The following ZNF285 variants were observed in gnomAD, a reference collection of about 807,000 sequenced individuals.
ZNF285 encodes zinc finger protein 285.
Under a neutral mutation model 6.2 loss-of-function variants are expected in ZNF285, and 4 were observed. The ratio of observed to expected loss-of-function variants is 0.65; its 90% CI spans 0.32 to 1.49. The LOEUF (loss-of-function observed/expected upper bound fraction) is 1.49, where lower values mean the gene tolerates loss of function less well. Among genes scored for constraint, ZNF285 ranks in the 40% most tolerant of loss-of-function variants. ZNF285 has a pLI of 0.07. For synonymous variants in ZNF285, 240 were observed against 245.8 expected (o/e 0.98, Z 0.22); for missense variants, 695 against 708.8 (o/e 0.98, Z 0.22).
chr19:44,399,061 T>A (rs1243550846), intron 1 of ZNF285, among the ~76,000 whole-genome samples: 2 of 152,012 alleles, frequency 1.3e-5, no homozygotes, highest in African/African-American at 4.8e-5. Flanking sequence ...ATTTTCAACA[T>A]CTACACTCAA....
intron 2 of ZNF285, among the ~76,000 whole-genome samples, chr19:44,394,786 A>T (rs536412147): frequency 6.6e-6 from 1 of 152,312 alleles, no homozygotes; most frequent in East Asian, 1.9e-4. Flanking sequence ...CAATTGTCCA[A>T]TTACCAAAAT....
rs1971048293 is a variant in ZNF285, at chr19:44,385,049, T to C, written c.*1423A>G. 2 of 144,154 alleles carry C rather than the reference T, an allele frequency of 1.4e-5. No homozygotes were observed. The highest frequency in any genetic ancestry group is 3.0e-5 in the Non-Finnish European group (2 of 65,942). 8.9% of individuals were successfully genotyped at this position (144,154 alleles called of 1,614,324 possible). ...GCAAAGAGATCTCCTCTCGAATTCA[T>C]CTATTATCCCCAATTAAATGACAAA... is the stretch of plus-strand genomic sequence containing the variant. On this transcript the variant is annotated 3_prime_UTR_variant, in exon 4 of 4. Transcript: ENST00000614994.
Position 44,385,559 on chromosome 19 carries a change from T to C in ZNF285, c.*913A>G, listed in dbSNP as rs898420592. 1 of 152,200 alleles carries C rather than the reference T, an allele frequency of 6.6e-6. No individual in the cohort carries two copies. Among genetic ancestry groups the C allele is most frequent in the African/African-American group, 2.4e-5 (1 of 41,452 alleles). The allele number at this position is 152,200 out of a possible 1,614,324, so 9.4% of individuals were successfully genotyped here. ...TTCTGTATGTGGACTCCAATGACAA[T>C]GAAACATATTGCTATAAAATCCCTC... On this transcript the variant is annotated 3_prime_UTR_variant, in exon 4 of 4. Coordinates refer to ENST00000614994, the MANE Select transcript of ZNF285 (RefSeq NM_152354.6).
In ZNF285 at chr19:44,386,279, T is replaced by C. The variant is rs1455009886; in HGVS notation, c.*193A>G. 9.8e-6 allele frequency: 6 copies of C among 614,816 alleles called. No individual in the cohort carries two copies. Among genetic ancestry groups the C allele is most frequent in the Non-Finnish European group, 1.7e-5 (6 of 362,922 alleles). 38.1% of individuals were successfully genotyped at this position (614,816 alleles called of 1,614,324 possible). On this transcript the variant is annotated 3_prime_UTR_variant, in exon 4 of 4. Transcript: ENST00000614994. ...TCTTTGCCATTGTAGCATACAGCAGTTGATGGGAGCTTCACAGAAGTTCTT... is the reference window on the plus strand; with the variant it reads ...TCTTTGCCATTGTAGCATACAGCAGCTGATGGGAGCTTCACAGAAGTTCTT...
Position 44,385,735 on chromosome 19 carries a change from A to G in ZNF285, c.*737T>C, listed in dbSNP as rs1207346089. ...ACCTTCTATCAACCCAGTCTGGAAT[A>G]AGCAGCCTCCAAGGTCACCTTGGCA... is the stretch of plus-strand genomic sequence containing the variant. On this transcript the variant is annotated 3_prime_UTR_variant, in exon 4 of 4. Transcript: ENST00000614994. 6.6e-6 allele frequency: 1 copy of G among 152,246 alleles called. No individual in the cohort carries two copies. Among genetic ancestry groups the G allele is most frequent in the Non-Finnish European group, 1.5e-5 (1 of 68,050 alleles). 9.4% of individuals were successfully genotyped at this position (152,246 alleles called of 1,614,324 possible).
chr19:44,386,801 T>G lies in ZNF285; in HGVS notation c.1444A>C (p.Lys482Gln), dbSNP rs1971084449. ...CCACACACTTCACATTTATATGGTT[T>G]TTCTCCAGTGTGAACTCTCTGATGA... ...HTHQRVHTGE[K>Q]PYKCEVCGKC... Residue 482 changes from lysine to glutamine, a missense_variant, in exon 4 of 4, where the codon AAA (lysine) becomes CAA (glutamine). By Grantham distance (53) the Lys-to-Gln change is moderately conservative. Coordinates refer to ENST00000614994, the MANE Select transcript of ZNF285 (RefSeq NM_152354.6). The G allele has an allele frequency of 6.2e-7, 1 of 1,614,254 alleles. No individual in the cohort carries two copies. The highest frequency in any genetic ancestry group is 8.5e-7 in the Non-Finnish European group (1 of 1,180,042).
Position 44,386,826 on chromosome 19 carries a change from A to G in ZNF285, c.1419T>C (p.Thr473=), listed in dbSNP as rs1370161021. Residue 473 remains threonine (T), a synonymous_variant, in exon 4 of 4, where the codon ACT becomes ACC. Transcript: ENST00000614994. ...KDFAYSSVLH[T]HQRVHTGEKP... is the part of the protein sequence containing the mutation. Reference sequence around the variant, plus strand: ...TTTCTCCAGTGTGAACTCTCTGATGAGTGTGAAGAACAGAGCTATACGCAA... The same window carrying G: ...TTTCTCCAGTGTGAACTCTCTGATGGGTGTGAAGAACAGAGCTATACGCAA... The G allele has an allele frequency of 6.2e-7, 1 of 1,614,230 alleles. No homozygotes were observed. Among genetic ancestry groups the G allele is most frequent in the Admixed American group, 1.7e-5 (1 of 60,014 alleles).
At chr19:44,388,247 G>A (rs1971132891) in intron 3 of ZNF285, 145 bp from the exon 4 acceptor site, 1 of 741,064 alleles carries the variant, frequency 1.3e-6, no homozygotes, top group Non-Finnish European at 2.2e-6. Context: ...ATTCTAACCT[G>A]TGAGCTGCCA....
Position 44,386,422 on chromosome 19 carries a change from G to A in ZNF285, c.*50C>T, listed in dbSNP as rs1227349411. On this transcript the variant is annotated 3_prime_UTR_variant, in exon 4 of 4. Coordinates refer to ENST00000614994, the MANE Select transcript of ZNF285 (RefSeq NM_152354.6). ...CAGGCTGAGTAAGCCTCTATCATCT[G>A]GAATACAGTGTGGCTTCTGTTTTAC... The A allele has an allele frequency of 6.4e-7, 1 of 1,565,114 alleles. No individual in the cohort carries two copies. Among genetic ancestry groups the A allele is most frequent in the East Asian group, 2.3e-5 (1 of 44,392 alleles).
intron 2 of ZNF285, among the ~76,000 whole-genome samples, chr19:44,395,843 G>A (rs1353936454): frequency 1.3e-5 from 2 of 152,052 alleles, no homozygotes; most frequent in African/African-American, 4.8e-5. Flanking sequence ...TTGCTCTCTT[G>A]TCCCTCTGTC....
chr19:44,389,548 A>G (rs1971157659), intron 3 of ZNF285, among the ~76,000 whole-genome samples: 1 of 152,208 alleles, frequency 6.6e-6, no homozygotes. Flanking sequence ...CAGAAGTTTT[A>G]TCAGCTGATA....
intron 3 of ZNF285, 148 bp downstream of exon 3, chr19:44,392,192 T>C (rs1568387273): frequency 6.6e-7 from 1 of 1,509,146 alleles, no homozygotes; most frequent in East Asian, 2.3e-5. Context: ...GCTCATTAAC[T>C]GTAGGTTTCT....
At chr19:44,398,900 A>G (rs1971329226) in intron 1 of ZNF285, among the ~76,000 whole-genome samples, 1 of 152,178 alleles carries the variant, frequency 6.6e-6, no homozygotes, top group South Asian at 2.1e-4. Context: ...ATAAAGGACT[A>G]GTTTTTAAAT....
rs146849454 is a variant in ZNF285 at position 44,386,325 on chromosome 19, G to C, written c.*147C>G. On this transcript the variant is annotated 3_prime_UTR_variant, in exon 4 of 4. Transcript: ENST00000614994. Reference sequence around the variant, plus strand: ...TTCTTGAAATCCACAGTCCTTGCCTGGCACACTTCAGTGCTGCAGGCTGAC... The same window carrying C: ...TTCTTGAAATCCACAGTCCTTGCCTCGCACACTTCAGTGCTGCAGGCTGAC... 1.7e-4 allele frequency: 150 copies of C among 861,204 alleles called. No homozygotes were observed. The East Asian group carries it at 4.0e-3, about 23-fold the overall frequency. The allele number at this position is 861,204 out of a possible 1,614,324, so 53.3% of individuals were successfully genotyped here.
chr19:44,399,647 T>C (rs1971343258), intron 1 of ZNF285, among the ~76,000 whole-genome samples: 1 of 151,750 alleles, frequency 6.6e-6, no homozygotes, highest in African/African-American at 2.4e-5. Flanking sequence ...CTCACACATA[T>C]ATGGTTGGGG....
In ZNF285 at chr19:44,394,456, A is replaced by AT. The variant is rs1971247344; in HGVS notation, c.16-1991dup. 4 of 485,542 alleles carry AT rather than the reference A, an allele frequency of 8.2e-6. No individual in the cohort carries two copies. The Admixed American group carries it at 1.6e-4, about 19-fold the overall frequency. 30.1% of individuals were successfully genotyped at this position (485,542 alleles called of 1,614,324 possible). A position where few individuals can be genotyped will look rare whatever the true frequency, so the allele number is the denominator to read the frequency against. ...AAATAACCTATTGGGTATTATGCTG[A>AT]TTACCTGGGTGACAAAATTTTACAC... is the stretch of plus-strand genomic sequence containing the variant. On this transcript the variant is annotated intron_variant, in intron 2 of 3. Transcript: ENST00000614994.
Position 44,390,599 on chromosome 19 carries a change from C to A in ZNF285, c.142+1741G>T, listed in dbSNP as rs144775686. 7.6e-3 allele frequency among the ~76,000 whole-genome samples: 1,150 copies of A among 152,166 alleles called. 13 individuals carry two copies. Among genetic ancestry groups the A allele is most frequent in the African/African-American group, 0.026 (1,067 of 41,464 alleles). On this transcript the variant is annotated intron_variant, in intron 3 of 3. Coordinates refer to ENST00000614994, the MANE Select transcript of ZNF285 (RefSeq NM_152354.6). ...TGGACTGTGGACTTTTGAGTTAATGCTGAAATGAGTTAAGACTTTGTGGGA... is the reference window on the plus strand; with the variant it reads ...TGGACTGTGGACTTTTGAGTTAATGATGAAATGAGTTAAGACTTTGTGGGA...
At chr19:44,389,233 A>G (rs1163241349) in intron 3 of ZNF285, among the ~76,000 whole-genome samples, 3 of 152,048 alleles carry the variant, frequency 2.0e-5, no homozygotes, top group African/African-American at 7.3e-5. Flanking sequence ...GGTATATAAC[A>G]AACAGGGGGC....
chr19:44,387,935 C>T lies in ZNF285; in HGVS notation c.310G>A (p.Asp104Asn). ...LQEECSPHLE[D>N]VSLSEEWAGI... ...GCCCACTCTTCACTGAGGGAAACAT[C>T]TTCTAAATGTGGGGAACACTCTTCT... The change falls in exon 4 of 4, where the codon GAT becomes AAT. Residue 104 changes from aspartate (D) to asparagine (N), a missense_variant. By Grantham distance (23) the Asp-to-Asn change is conservative. Transcript: ENST00000614994. The T allele has an allele frequency of 6.2e-7, 1 of 1,614,060 alleles. No homozygotes were observed. Among genetic ancestry groups the T allele is most frequent in the East Asian group, 2.2e-5 (1 of 44,878 alleles).
Sources: allele counts gnomAD v4.1 joint callset (sites outside exome capture counted in the v4.1 genomes callset), GRCh38; gene constraint gnomAD v4.1.1; transcripts MANE v1.5; gene names NCBI Gene and HGNC (gene_info 2026-07-23, HGNC 2026-07-21).